Variants in GALNTL6 observed in about 807,000 individuals in gnomAD.
The protein encoded by GALNTL6 is polypeptide N-acetylgalactosaminyltransferase like 6, also known as polypeptide N-acetylgalactosaminyltransferase-like 6.
In GALNTL6, 46 loss-of-function variants were observed where a neutral mutation model predicts 73.7. The ratio of observed to expected loss-of-function variants is 0.62; its 90% CI spans 0.49 to 0.80. The LOEUF (loss-of-function observed/expected upper bound fraction) is 0.80. GALNTL6 is among the 30% of genes least tolerant of loss of function. GALNTL6 has a pLI of 0.00. For missense variants in GALNTL6, 604 were observed against 755.0 expected (o/e 0.80, Z 2.34); for synonymous variants, 259 against 263.7 (o/e 0.98, Z 0.17).
intron 7 of GALNTL6, among the ~76,000 whole-genome samples, chr4:172,826,531 C>G (rs139180442): frequency 2.3e-4 from 35 of 152,176 alleles, no homozygotes; most frequent in African/African-American, 8.2e-4. Context: ...GAAAAAGAAT[C>G]AAATAATAAT....
At chr4:172,550,470 G>A (rs769845274) in intron 5 of GALNTL6, among the ~76,000 whole-genome samples, 3 of 152,178 alleles carry the variant, frequency 2.0e-5, no homozygotes, top group Admixed American at 6.5e-5. Flanking sequence ...GAAGGTTCAG[G>A]ATATAGTCAG....
At chr4:172,096,097 T>TGTGTGTGC (rs1732347325) in intron 2 of GALNTL6, among the ~76,000 whole-genome samples, 1 of 151,414 alleles carries the variant, frequency 6.6e-6, no homozygotes, top group African/African-American at 2.4e-5. Flanking sequence ...TGTGTGTGTG[T>TGTGTGTGC]GTGTGTGTGT....
At chr4:172,493,836 T>A (rs1456205448) in intron 5 of GALNTL6, among the ~76,000 whole-genome samples, 1 of 152,152 alleles carries the variant, frequency 6.6e-6, no homozygotes, top group East Asian at 1.9e-4. Context: ...GAGTCCTCAA[T>A]TAAAATTCAG....
intron 5 of GALNTL6, among the ~76,000 whole-genome samples, chr4:172,783,119 G>A (rs11729313): frequency 0.095 from 14,300 of 150,656 alleles, 911 homozygotes; most frequent in Middle Eastern, 0.18. Context: ...GACCTGCCAC[G>A]GCAGGTCCAA....
At chr4:172,634,107 C>A (rs184964834) in intron 5 of GALNTL6, among the ~76,000 whole-genome samples, 2 of 152,192 alleles carry the variant, frequency 1.3e-5, no homozygotes, top group Non-Finnish European at 2.9e-5. Flanking sequence ...TCCATATTCA[C>A]CTCCATCTGT....
At chr4:172,834,255 T>C (rs956767898) in intron 7 of GALNTL6, among the ~76,000 whole-genome samples, 1 of 152,160 alleles carries the variant, frequency 6.6e-6, no homozygotes, top group Non-Finnish European at 1.5e-5. Context: ...ACCTCTGGAC[T>C]GGAAAGTAAA....
chr4:172,248,172 C>T (rs1260759020), intron 3 of GALNTL6, among the ~76,000 whole-genome samples: 1 of 152,126 alleles, frequency 6.6e-6, no homozygotes, highest in Non-Finnish European at 1.5e-5. Flanking sequence ...AATACACAGT[C>T]AGATTACCTC....
chr4:172,153,109 C>T (rs1264111691), intron 2 of GALNTL6, among the ~76,000 whole-genome samples: 3 of 152,184 alleles, frequency 2.0e-5, no homozygotes, highest in African/African-American at 7.2e-5. Context: ...CTTATTGACA[C>T]CAACCCCTAA....
chr4:172,138,775 C>T (rs775078491), intron 2 of GALNTL6, among the ~76,000 whole-genome samples: 10 of 150,696 alleles, frequency 6.6e-5, no homozygotes, highest in Non-Finnish European at 1.0e-4. Flanking sequence ...ATGATCTGCC[C>T]GCCTCGGCCT....
intron 2 of GALNTL6, among the ~76,000 whole-genome samples, chr4:171,973,031 T>A (rs1001181626): frequency 6.6e-6 from 1 of 152,154 alleles, no homozygotes; most frequent in Non-Finnish European, 1.5e-5. Flanking sequence ...TTAAAGAGTA[T>A]TCTATTTTCA....
At chr4:172,102,171 T>C (rs1222012317) in intron 2 of GALNTL6, among the ~76,000 whole-genome samples, 1 of 152,212 alleles carries the variant, frequency 6.6e-6, no homozygotes, top group Non-Finnish European at 1.5e-5. Context: ...TTGGGGAATA[T>C]ATAACCCAGT....
At position 172,746,640 on chromosome 4, in the gene GALNTL6, T is replaced by C. The variant is rs562221270; in HGVS notation, c.554-62721T>C. On this transcript the variant is annotated intron_variant, in intron 5 of 12. Transcript: ENST00000506823. ...TTTTAGTGGACATAATGTGGGTTTA[T>C]AAAATATTCTTTTGTGATTAAAAAA... Among the ~76,000 whole-genome samples, 20 of 152,182 alleles carry C rather than the reference T, an allele frequency of 1.3e-4. No individual in the cohort carries two copies. In the East Asian group the frequency reaches 3.7e-3, roughly 28 times the overall value.
chr4:172,984,341 A>G (rs1751200642), intron 10 of GALNTL6, among the ~76,000 whole-genome samples: 1 of 152,168 alleles, frequency 6.6e-6, no homozygotes, highest in Admixed American at 6.5e-5. Context: ...TGAGCAAAGA[A>G]GGAAGCCCCT....
At chr4:172,712,381 T>C (rs2111328824) in intron 5 of GALNTL6, among the ~76,000 whole-genome samples, 1 of 152,266 alleles carries the variant, frequency 6.6e-6, no homozygotes, top group South Asian at 2.1e-4. Context: ...CATGTTGGTG[T>C]GCTGCACCCA....
At chr4:172,081,222 C>G (rs1731869861) in intron 2 of GALNTL6, among the ~76,000 whole-genome samples, 1 of 152,244 alleles carries the variant, frequency 6.6e-6, no homozygotes, top group African/African-American at 2.4e-5. Context: ...TATCTTCAAT[C>G]TGTATTCATG....
intron 8 of GALNTL6, among the ~76,000 whole-genome samples, chr4:172,914,778 A>G (rs1747410082): frequency 6.6e-6 from 1 of 152,200 alleles, no homozygotes; most frequent in African/African-American, 2.4e-5. Flanking sequence ...AAAGAGATAT[A>G]GACCCCCAAG....
chr4:172,069,433 A>ATGT lies in GALNTL6; in HGVS notation c.139-160222_139-160221insGTT. On this transcript the variant is annotated intron_variant, in intron 2 of 12. Coordinates refer to ENST00000506823, the MANE Select transcript of GALNTL6 (RefSeq NM_001034845.3). ...CATATATGTTATATATAACACACAT[A>ATGT]TAACATATATATGTAATATATAACA... 2.2e-5 allele frequency among the ~76,000 whole-genome samples: 2 copies of ATGT among 90,564 alleles called. 1 individual carries two copies. The highest frequency in any genetic ancestry group is 4.6e-5 in the Non-Finnish European group (2 of 43,150). The allele number at this position is 90,564 out of a possible 152,430, so 59.4% of individuals were successfully genotyped here. A position where few individuals can be genotyped will look rare whatever the true frequency, so the allele number is the denominator to read the frequency against.
chr4:172,157,019 A>T (rs1734309425), intron 2 of GALNTL6, among the ~76,000 whole-genome samples: 1 of 152,112 alleles, frequency 6.6e-6, no homozygotes, highest in South Asian at 2.1e-4. Flanking sequence ...TTGTGTTCAA[A>T]ACACTTTTAA....
At chr4:172,086,147 G>A (rs2110930673) in intron 2 of GALNTL6, among the ~76,000 whole-genome samples, 2 of 152,136 alleles carry the variant, frequency 1.3e-5, no homozygotes, top group South Asian at 4.2e-4. Context: ...ATTTAGTAAG[G>A]TCAAATAGTA....
Sources: gnomAD v4.1 joint callset for allele counts (sites outside exome capture counted in the v4.1 genomes callset) on GRCh38, gnomAD v4.1.1 for gene constraint, MANE v1.5 for transcripts, NCBI Gene and HGNC (gene_info 2026-07-23, HGNC 2026-07-21) for gene names.